Variants in PTH2R observed in about 807,000 individuals in gnomAD.
PTH2R encodes parathyroid hormone 2 receptor.
Under a neutral mutation model 60.3 loss-of-function variants are expected in PTH2R, and 59 were observed. That is an observed-to-expected ratio of 0.98 (90% CI 0.79 to 1.22). The LOEUF is 1.22. Ranked by LOEUF, PTH2R falls within the 50% of genes most tolerant of loss-of-function variation. The pLI is 0.00. For synonymous variants in PTH2R, 256 were observed against 243.8 expected, an observed-to-expected ratio of 1.05 and a Z score of -0.47; for missense variants, 749 against 682.6, an observed-to-expected ratio of 1.10 and a Z score of -1.08.
At chr2:208,458,550 A>G (rs1225177310) in intron 8 of PTH2R, among the ~76,000 whole-genome samples, 1 of 152,130 alleles carries the variant, frequency 6.6e-6, no homozygotes, top group Non-Finnish European at 1.5e-5. Flanking sequence ...TCACCCAAGT[A>G]TTAAGCCCAG....
At chr2:208,428,345 C>T in intron 2 of PTH2R, 42 bp downstream of exon 2, 1 of 1,377,506 alleles carries the variant, frequency 7.3e-7, no homozygotes, top group Non-Finnish European at 1.0e-6. Flanking sequence ...TGCCTCCTAT[C>T]TGTTCTTATA....
rs574266343 is a variant in PTH2R at position 208,436,918 on chromosome 2, G to A, written c.179-619G>A. Among the ~76,000 whole-genome samples, 5 of 152,266 alleles carry A rather than the reference G, an allele frequency of 3.3e-5. No homozygotes were observed. In the East Asian group the frequency reaches 7.7e-4, roughly 23 times the overall value. ...AGAAAGAAATGTTGGAATCAGGAGC[G>A]CCAGTCATAGACTGTTGCACTCATT... On this transcript the variant is annotated intron_variant, in intron 2 of 12. Transcript: ENST00000272847.
rs555226075 is a variant in PTH2R at position 208,367,382 on chromosome 2, C to T, written c.-259+7145C>T. 2.0e-5 allele frequency among the ~76,000 whole-genome samples: 3 copies of T among 151,348 alleles called. No individual in the cohort carries two copies. The East Asian group carries it at 5.8e-4, about 29-fold the overall frequency. On this transcript the variant is annotated intron_variant, in intron 1 of 12. Transcript: ENST00000617735. ...TGAGCCACTGCACCTGGCTTCACTC[C>T]TTCAAATTTAATTCAGCTAAAGTTT...
intron 4 of PTH2R, among the ~76,000 whole-genome samples, chr2:208,439,700 C>T (rs773810813): frequency 4.6e-5 from 7 of 151,916 alleles, no homozygotes; most frequent in African/African-American, 9.7e-5. Flanking sequence ...AATGATGTCA[C>T]AAGATTATTA....
chr2:208,384,171 T>G (rs1700965521), intron 1 of PTH2R, among the ~76,000 whole-genome samples: 1 of 152,192 alleles, frequency 6.6e-6, no homozygotes, highest in African/African-American at 2.4e-5. Flanking sequence ...CAAAGTGAGT[T>G]CAGTGTAGGC....
At position 208,407,065 on chromosome 2, in the gene PTH2R, C is replaced by G; in HGVS notation, c.22C>G (p.Leu8Val). The part of the protein sequence containing the change: MAGLGAS[L>V]HVWGWLMLGS... ...GGGCATGGCCGGGCTGGGGGCGTCG[C>G]TCCACGTCTGGGGTTGGCTAATGCT... The change falls in exon 1 of 13, where the codon CTC becomes GTC. Residue 8 changes from leucine to valine, a missense_variant. Leu to Val is a conservative substitution (Grantham distance 32, BLOSUM62 1). Transcript: ENST00000272847. 7.2e-7 allele frequency: 1 copy of G among 1,395,980 alleles called. No individual in the cohort carries two copies. Among genetic ancestry groups the G allele is most frequent in the Non-Finnish European group, 9.4e-7 (1 of 1,068,110 alleles). 86.5% of individuals were successfully genotyped at this position (1,395,980 alleles called of 1,614,324 possible).
chr2:208,393,724 T>C (rs1389210257), intron 1 of PTH2R, among the ~76,000 whole-genome samples: 1 of 152,224 alleles, frequency 6.6e-6, no homozygotes, highest in Non-Finnish European at 1.5e-5. Flanking sequence ...AGTTAAATTT[T>C]GGAAAATTTC....
At chr2:208,413,394 A>T (rs1387479154) in intron 1 of PTH2R, among the ~76,000 whole-genome samples, 1 of 152,184 alleles carries the variant, frequency 6.6e-6, no homozygotes, top group Non-Finnish European at 1.5e-5. Context: ...CTTACCAGAG[A>T]CAGCATTTGA....
intron 1 of PTH2R, among the ~76,000 whole-genome samples, chr2:208,408,765 A>AGAGAGAGAGAGAGAGAGAGAGAGAG (rs58469801): frequency 1.4e-4 from 21 of 150,876 alleles, no homozygotes; most frequent in African/African-American, 4.0e-4. Context: ...AGAGAGAGAG[A>AGAGAGAGAGAGAGAGAGAGAGAGAG]AATAAATAAT....
chr2:208,411,939 A>G (rs1278820688), intron 1 of PTH2R, among the ~76,000 whole-genome samples: 1 of 152,240 alleles, frequency 6.6e-6, no homozygotes, highest in Non-Finnish European at 1.5e-5. Context: ...TTTTATTAGC[A>G]GATGAGTTAA....
At chr2:208,364,267 G>A (rs563418382) in intron 1 of PTH2R, among the ~76,000 whole-genome samples, 1 of 152,078 alleles carries the variant, frequency 6.6e-6, no homozygotes, top group East Asian at 1.9e-4. Flanking sequence ...TGTGATTTTG[G>A]TGTCATATCC....
rs115860612 is a variant in PTH2R, at chr2:208,494,011, T to A, written c.*352T>A. ...TATCACCCTAAATATAATGAAGATC[T>A]TTTAGTGTGTATCATTTTCCTTTTA... On this transcript the variant is annotated 3_prime_UTR_variant, in exon 13 of 13. Transcript: ENST00000272847. 2,080 of 172,750 alleles carry A rather than the reference T, an allele frequency of 0.012. 47 individuals are homozygous for A. Among genetic ancestry groups the A allele is most frequent in the African/African-American group, 0.046 (1,941 of 42,446 alleles). The allele number at this position is 172,750 out of a possible 1,614,324, so 10.7% of individuals were successfully genotyped here.
intron 1 of PTH2R, among the ~76,000 whole-genome samples, chr2:208,395,365 G>C (rs981308519): frequency 1.3e-5 from 2 of 152,012 alleles, no homozygotes; most frequent in Non-Finnish European, 2.9e-5. Flanking sequence ...TTCTAATGGT[G>C]CAAAAGGAAG....
chr2:208,372,880 T>C (rs768394709), intron 1 of PTH2R, among the ~76,000 whole-genome samples: 13 of 151,148 alleles, frequency 8.6e-5, no homozygotes, highest in Non-Finnish European at 1.9e-4. Context: ...AGCTCAGGAG[T>C]TCAAAACCAG....
chr2:208,479,092 T>C (rs1009007824), intron 9 of PTH2R, among the ~76,000 whole-genome samples: 1 of 152,256 alleles, frequency 6.6e-6, no homozygotes, highest in Non-Finnish European at 1.5e-5. Flanking sequence ...TTTTAAGGCA[T>C]CAAGTTTTAC....
At chr2:208,368,363 A>G (rs938085696) in intron 1 of PTH2R, among the ~76,000 whole-genome samples, 1 of 152,170 alleles carries the variant, frequency 6.6e-6, no homozygotes, top group Admixed American at 6.5e-5. Flanking sequence ...GCATTCCTCC[A>G]TGCTTATATG....
At chr2:208,375,863 G>T (rs531180358) in intron 1 of PTH2R, among the ~76,000 whole-genome samples, 1 of 152,230 alleles carries the variant, frequency 6.6e-6, no homozygotes, top group East Asian at 1.9e-4. Context: ...CAGCAGAGTA[G>T]GGAGTAAGAG....
rs148391348 is a variant in PTH2R at position 208,477,919 on chromosome 2, C to G, written c.982-3151C>G. On this transcript the variant is annotated intron_variant, in intron 9 of 12. Transcript: ENST00000272847. Reference sequence around the variant, plus strand: ...AGCACTACTACTAGTACTAGCACTACTACTAGTACTAGCACTACTACTAGT... The same window carrying G: ...AGCACTACTACTAGTACTAGCACTAGTACTAGTACTAGCACTACTACTAGT... Among the ~76,000 whole-genome samples the G allele has an allele frequency of 2.7e-5, 4 of 147,904 alleles. No homozygotes were observed. In the East Asian group the frequency reaches 7.9e-4, roughly 29 times the overall value.
chr2:208,473,439 C>A (rs1320994357), intron 9 of PTH2R, among the ~76,000 whole-genome samples: 4 of 152,070 alleles, frequency 2.6e-5, no homozygotes, highest in Admixed American at 2.0e-4. Flanking sequence ...GATGATGGCA[C>A]CCTAAATGAC....
Sources: gnomAD v4.1 joint callset for allele counts (sites outside exome capture counted in the v4.1 genomes callset) on GRCh38, gnomAD v4.1.1 for gene constraint, MANE v1.5 for transcripts, NCBI Gene and HGNC (gene_info 2026-07-23, HGNC 2026-07-21) for gene names.